Variants in TSHZ2 observed in about 807,000 individuals in gnomAD.
TSHZ2 encodes teashirt homolog 2.
Under a neutral mutation model 74.4 loss-of-function variants are expected in TSHZ2, and 21 were observed. The ratio of observed to expected loss-of-function variants is 0.28; its 90% CI spans 0.20 to 0.41. The LOEUF is 0.41. Ranked by LOEUF, TSHZ2 falls within the 10% of genes least tolerant of loss-of-function variation. The pLI, the probability that TSHZ2 is intolerant of heterozygous loss-of-function variation, is 1.00. For missense variants in TSHZ2, 1,244 were observed against 1,293.5 expected, an observed-to-expected ratio of 0.96 and a Z score of 0.59; for synonymous variants, 540 against 515.3, an observed-to-expected ratio of 1.05 and a Z score of -0.65.
chr20:53,325,845 G>A (rs1008458888), intron 2 of TSHZ2, among the ~76,000 whole-genome samples: 3 of 152,044 alleles, frequency 2.0e-5, no homozygotes, highest in South Asian at 2.1e-4. Context: ...GCAGTGGCAC[G>A]ATCTCGGCTC....
chr20:53,279,078 ATATTAAC>A lies in TSHZ2; in HGVS notation c.*8+22514_*8+22520del, dbSNP rs567844905. Among the ~76,000 whole-genome samples the A allele has an allele frequency of 3.6e-3, 546 of 152,396 alleles. 2 individuals carry two copies. Among genetic ancestry groups the A allele is most frequent in the African/African-American group, 0.013 (521 of 41,592 alleles). On this transcript the variant is annotated intron_variant, in intron 2 of 2. Coordinates refer to ENST00000371497, the MANE Select transcript of TSHZ2 (RefSeq NM_173485.6). ...AGGAAAATCATAAGAAAGAGAAAAC[ATATTAAC>A]TATTAAGTGAAAGTGGATCATCATA...
At chr20:53,050,101 G>GTATATATATATATATATA (rs1213487235) in intron 1 of TSHZ2, among the ~76,000 whole-genome samples, 3 of 60,494 alleles carry the variant, frequency 5.0e-5, no homozygotes, top group African/African-American at 4.4e-4. Flanking sequence ...ATGTATATGT[G>GTATATATATATATATATA]TGTATATATA....
chr20:53,170,722 C>CT (rs1365328140), intron 1 of TSHZ2, among the ~76,000 whole-genome samples: 2 of 152,164 alleles, frequency 1.3e-5, no homozygotes, highest in African/African-American at 4.8e-5. Flanking sequence ...TAATGCTGAG[C>CT]TTAGCGGTAC....
intron 1 of TSHZ2, 31 bp from the exon 2 acceptor site, chr20:53,253,468 T>TGTC (rs1414185991): frequency 1.9e-6 from 3 of 1,560,360 alleles, no homozygotes; most frequent in Non-Finnish European, 2.6e-6. Context: ...AGCCTGTTAC[T>TGTC]GTCGTTTCAT....
intron 2 of TSHZ2, among the ~76,000 whole-genome samples, chr20:53,312,200 T>C (rs1978823480): frequency 6.6e-6 from 1 of 152,166 alleles, no homozygotes; most frequent in African/African-American, 2.4e-5. Context: ...CATAGATATA[T>C]AAGCACATAA....
intron 2 of TSHZ2, among the ~76,000 whole-genome samples, chr20:53,346,535 G>T (rs1237502122): frequency 6.6e-6 from 1 of 152,150 alleles, no homozygotes; most frequent in Non-Finnish European, 1.5e-5. Context: ...TATTGTGGTT[G>T]TGAAGCTTTG....
chr20:53,408,324 G>A (rs1296312678), intron 2 of TSHZ2, among the ~76,000 whole-genome samples: 1 of 152,166 alleles, frequency 6.6e-6, no homozygotes, highest in Non-Finnish European at 1.5e-5. Context: ...CCACATTAGT[G>A]GAGAAAAGCA....
rs142965743 is a variant in TSHZ2 at position 53,254,306 on chromosome 20, C to T, written c.848C>T (p.Ser283Phe). The T allele has an allele frequency of 1.3e-4, 211 of 1,613,978 alleles. No individual in the cohort carries two copies. The highest frequency in any genetic ancestry group is 1.7e-4 in the Non-Finnish European group (205 of 1,180,032). The change falls in exon 2 of 3, where the codon TCC becomes TTC. Residue 283 changes from serine (S) to phenylalanine (F), a missense_variant. By Grantham distance (155) the Ser-to-Phe change is radical. Around this residue, in one of 6 missense-constraint regions of TSHZ2, gnomAD observed 470 missense variants for 456.5 expected, o/e 1.03. Coordinates refer to ENST00000371497, the MANE Select transcript of TSHZ2 (RefSeq NM_173485.6). The part of the protein sequence containing the change: ...KVLKCMFCGD[S>F]FDSLQDLSVH... ...CTGAAATGTATGTTTTGTGGCGACT[C>T]CTTTGATTCCCTCCAAGATTTGAGC... is the stretch of plus-strand genomic sequence containing the variant.
intron 2 of TSHZ2, among the ~76,000 whole-genome samples, chr20:53,292,148 T>C (rs1226814636): frequency 6.6e-6 from 1 of 152,182 alleles, no homozygotes; most frequent in African/African-American, 2.4e-5. Flanking sequence ...TGACTAATTA[T>C]TGAGGCTTCG....
intron 1 of TSHZ2, among the ~76,000 whole-genome samples, chr20:53,028,095 C>T (rs1983511751): frequency 6.6e-6 from 1 of 152,126 alleles, no homozygotes. Flanking sequence ...TGCAGGAAAT[C>T]CAGTCTCTTC....
At chr20:53,236,220 T>C (rs1432848977) in intron 1 of TSHZ2, among the ~76,000 whole-genome samples, 8 of 152,224 alleles carry the variant, frequency 5.3e-5, no homozygotes, top group Admixed American at 3.9e-4. Flanking sequence ...CTAACTACCA[T>C]CACTTCTTTA....
intron 2 of TSHZ2, among the ~76,000 whole-genome samples, chr20:53,452,863 G>A (rs1984856574): frequency 6.6e-6 from 1 of 152,132 alleles, no homozygotes; most frequent in Non-Finnish European, 1.5e-5. Flanking sequence ...GTGTTGTATT[G>A]CTGTTAGATT....
At chr20:53,266,523 A>G (rs1447055033) in intron 2 of TSHZ2, among the ~76,000 whole-genome samples, 1 of 152,180 alleles carries the variant, frequency 6.6e-6, no homozygotes. Context: ...TCTCACCTCA[A>G]ATAAGAAACC....
At chr20:53,341,303 C>T (rs747038636) in intron 2 of TSHZ2, among the ~76,000 whole-genome samples, 6 of 152,116 alleles carry the variant, frequency 3.9e-5, no homozygotes, top group Admixed American at 2.6e-4. Flanking sequence ...ACATTGATTG[C>T]GATGCTGAGT....
chr20:53,469,840 G>A (rs547617425), intron 2 of TSHZ2, among the ~76,000 whole-genome samples: 11 of 102,086 alleles, frequency 1.1e-4, no homozygotes, highest in Admixed American at 9.0e-4. Context: ...GAGGGAGGAA[G>A]GGAGGGAGGG....
chr20:53,324,139 C>A (rs1979396652), intron 2 of TSHZ2, among the ~76,000 whole-genome samples: 1 of 152,082 alleles, frequency 6.6e-6, no homozygotes, highest in African/African-American at 2.4e-5. Context: ...TTAGCTCCGG[C>A]GTTTTTGAGA....
At chr20:53,072,237 A>G (rs928382192) in intron 1 of TSHZ2, among the ~76,000 whole-genome samples, 2 of 152,332 alleles carry the variant, frequency 1.3e-5, no homozygotes, top group Non-Finnish European at 2.9e-5. Context: ...TTTTGTTTCT[A>G]TGACATTAAG....
intron 1 of TSHZ2, among the ~76,000 whole-genome samples, chr20:52,980,745 C>T (rs1373651346): frequency 6.6e-6 from 1 of 152,090 alleles, no homozygotes; most frequent in Non-Finnish European, 1.5e-5. Flanking sequence ...CATGAAAAAC[C>T]CATGAAACCT....
chr20:53,340,053 C>G (rs1259522016), intron 2 of TSHZ2, among the ~76,000 whole-genome samples: 1 of 152,034 alleles, frequency 6.6e-6, no homozygotes, highest in Non-Finnish European at 1.5e-5. Flanking sequence ...CTGTTCAACT[C>G]AAATTCCTTT....
Sources: gnomAD v4.1 joint callset for allele counts (sites outside exome capture counted in the v4.1 genomes callset) on GRCh38, gnomAD v4.1.1 for gene constraint, gnomAD v4.1.1 regional missense constraint, MANE v1.5 for transcripts, NCBI Gene and HGNC (gene_info 2026-07-23, HGNC 2026-07-21) for gene names.